NTM: variants seen among roughly 807,000 people sequenced by gnomAD.
The protein encoded by NTM is neurotrimin.
A neutral mutation model predicts 42.1 loss-of-function variants in NTM; 13 were observed. The ratio of observed to expected loss-of-function variants is 0.31; its 90% CI spans 0.20 to 0.49. The LOEUF (loss-of-function observed/expected upper bound fraction) is 0.49, where lower values mean the gene tolerates loss of function less well. Ranked by LOEUF, NTM falls within the 20% of genes least tolerant of loss-of-function variation. NTM has a pLI of 0.99. For missense variants in NTM, 373 were observed against 452.8 expected, an observed-to-expected ratio of 0.82 and a Z score of 1.60; for synonymous variants, 187 against 179.2, an observed-to-expected ratio of 1.04 and a Z score of -0.35.
chr11:131,976,116 ATTCCTTCCTTCCTTCC>A (rs373955090), intron 2 of NTM, among the ~76,000 whole-genome samples: 12 of 123,872 alleles, frequency 9.7e-5, no homozygotes, highest in East Asian at 2.6e-4. Context: ...TCCCTCCCTC[ATTCCTTCCTTCCTTCC>A]TTCCTTCCTT....
chr11:131,916,034 A>G (rs2056297713), intron 2 of NTM, among the ~76,000 whole-genome samples: 1 of 152,304 alleles, frequency 6.6e-6, no homozygotes. Context: ...GTCCAACTGG[A>G]AAAGCTGGCT....
chr11:131,961,596 G>A (rs956020896), intron 2 of NTM, among the ~76,000 whole-genome samples: 1 of 152,156 alleles, frequency 6.6e-6, no homozygotes, highest in African/African-American at 2.4e-5. Context: ...TACTCTGGAA[G>A]GCCTAGCACA....
intron 1 of NTM, among the ~76,000 whole-genome samples, chr11:131,759,428 A>T (rs2083796676): frequency 1.3e-5 from 2 of 152,234 alleles, no homozygotes; most frequent in South Asian, 4.1e-4. Context: ...TGCAGAGCTT[A>T]TTCAAACATG....
At chr11:131,899,002 C>T (rs2052720432) in intron 1 of NTM, among the ~76,000 whole-genome samples, 1 of 152,146 alleles carries the variant, frequency 6.6e-6, no homozygotes, top group Non-Finnish European at 1.5e-5. Flanking sequence ...TCCCATCACG[C>T]TCTAAAATGT....
At chr11:132,076,223 A>T (rs528806964) in intron 2 of NTM, among the ~76,000 whole-genome samples, 4 of 152,138 alleles carry the variant, frequency 2.6e-5, no homozygotes, top group Non-Finnish European at 4.4e-5. Context: ...CTGTCAAGGG[A>T]CAATTAGTAA....
intron 2 of NTM, among the ~76,000 whole-genome samples, chr11:131,971,862 G>T (rs1266429129): frequency 6.6e-6 from 1 of 150,842 alleles, no homozygotes; most frequent in Non-Finnish European, 1.5e-5. Flanking sequence ...CGCTAACATG[G>T]TGAAACCCCG....
chr11:131,740,738 G>T (rs753579107), intron 1 of NTM, among the ~76,000 whole-genome samples: 1 of 152,308 alleles, frequency 6.6e-6, no homozygotes, highest in East Asian at 1.9e-4. Context: ...GAGTCAGTGG[G>T]CTGTGAAAAG....
intron 1 of NTM, among the ~76,000 whole-genome samples, chr11:131,524,671 G>A (rs186369504): frequency 6.6e-6 from 1 of 152,322 alleles, no homozygotes; most frequent in East Asian, 1.9e-4. Context: ...GGGTTTTCCA[G>A]GAGACAGAAT....
intron 1 of NTM, among the ~76,000 whole-genome samples, chr11:131,640,524 G>A: frequency 6.6e-6 from 1 of 152,064 alleles, no homozygotes; most frequent in East Asian, 1.9e-4. Flanking sequence ...TCTTGCTAAT[G>A]AGGCTGGCTC....
chr11:131,705,557 A>G (rs896957827), intron 1 of NTM, among the ~76,000 whole-genome samples: 2 of 152,288 alleles, frequency 1.3e-5, no homozygotes, highest in Admixed American at 6.5e-5. Flanking sequence ...TCAGAATACT[A>G]CAATGCTGTA....
chr11:132,052,026 A>G (rs1306859958), intron 2 of NTM, among the ~76,000 whole-genome samples: 2 of 152,156 alleles, frequency 1.3e-5, no homozygotes, highest in African/African-American at 4.8e-5. Flanking sequence ...TTAAATTGGC[A>G]GTGGACATTT....
At chr11:131,860,636 A>G (rs77457346) in intron 1 of NTM, among the ~76,000 whole-genome samples, 8,301 of 152,292 alleles carry the variant, frequency 0.055, 748 homozygotes, top group African/African-American at 0.19. Context: ...TTACTAGTTA[A>G]CGAACAGTGG....
chr11:132,092,216 T>A (rs1485664509), intron 2 of NTM, among the ~76,000 whole-genome samples: 1 of 152,252 alleles, frequency 6.6e-6, no homozygotes, highest in East Asian at 1.9e-4. Flanking sequence ...ATTGATTTCT[T>A]GTCCAAATTC....
intron 1 of NTM, chr11:131,671,635 C>T (rs1307199797): frequency 1.2e-5 from 12 of 981,600 alleles, no homozygotes; most frequent in Non-Finnish European, 1.2e-5. Context: ...TGGCTCAGAG[C>T]CCTGTGAGAA....
chr11:131,397,557 C>T (rs940625856), intron 1 of NTM, among the ~76,000 whole-genome samples: 12 of 152,108 alleles, frequency 7.9e-5, no homozygotes, highest in East Asian at 1.9e-4. Flanking sequence ...TTTCTTTGGG[C>T]GGGCATGAGG....
At chr11:132,014,570 A>G (rs1310237485) in intron 2 of NTM, among the ~76,000 whole-genome samples, 1 of 151,840 alleles carries the variant, frequency 6.6e-6, no homozygotes. Context: ...TTTGATAATA[A>G]CCATTCTAAC....
intron 1 of NTM, among the ~76,000 whole-genome samples, chr11:131,467,811 G>A (rs1317570914): frequency 6.6e-6 from 1 of 152,196 alleles, no homozygotes; most frequent in Admixed American, 6.5e-5. Flanking sequence ...AAAGCCACAG[G>A]ATTGAATGAC....
intron 1 of NTM, among the ~76,000 whole-genome samples, chr11:131,374,462 C>G (rs1941689655): frequency 6.6e-6 from 1 of 152,186 alleles, no homozygotes; most frequent in Non-Finnish European, 1.5e-5. Flanking sequence ...TCCCTTAAAG[C>G]CAAATATAAG....
chr11:132,224,871 G>A (rs947407887), intron 4 of NTM, among the ~76,000 whole-genome samples: 11 of 152,218 alleles, frequency 7.2e-5, no homozygotes, highest in Admixed American at 2.0e-4. Flanking sequence ...CAGGTTTCTG[G>A]TTTGGCCTCC....
Sources: allele counts gnomAD v4.1 joint callset (sites outside exome capture counted in the v4.1 genomes callset), GRCh38; gene constraint gnomAD v4.1.1; transcripts MANE v1.5; gene names NCBI Gene and HGNC (gene_info 2026-07-23, HGNC 2026-07-21).